The following ABLIM1 variants were observed in gnomAD, a reference collection of about 807,000 sequenced individuals.
ABLIM1 encodes actin-binding LIM protein 1.
In ABLIM1, 40 loss-of-function variants were observed where a neutral mutation model predicts 107.0. The ratio of observed to expected loss-of-function variants is 0.37; its 90% CI spans 0.29 to 0.49. The LOEUF is 0.49. Ranked by LOEUF, ABLIM1 falls within the 20% of genes least tolerant of loss-of-function variation. The pLI is 0.97. For synonymous variants in ABLIM1, 357 were observed against 357.3 expected (o/e 1.00, Z 0.01); for missense variants, 857 against 1,008.5 (o/e 0.85, Z 2.04).
At chr10:114,606,676 G>A (rs925616399) in intron 1 of ABLIM1, among the ~76,000 whole-genome samples, 2 of 152,098 alleles carry the variant, frequency 1.3e-5, no homozygotes, top group South Asian at 2.1e-4. Flanking sequence ...GGAACAACAC[G>A]GTGCTTGATG....
At chr10:114,487,323 T>C (rs2058333910) in intron 8 of ABLIM1, among the ~76,000 whole-genome samples, 1 of 152,240 alleles carries the variant, frequency 6.6e-6, no homozygotes, top group African/African-American at 2.4e-5. Flanking sequence ...TGAAAAATAC[T>C]TCCTAGCCCG....
intron 1 of ABLIM1, among the ~76,000 whole-genome samples, chr10:114,679,416 C>T (rs2080639303): frequency 1.3e-5 from 2 of 152,060 alleles, no homozygotes; most frequent in South Asian, 2.1e-4. Flanking sequence ...GGGTGGATCA[C>T]CTGAGGTCGG....
At chr10:114,657,788 C>T (rs1333682) in intron 1 of ABLIM1, among the ~76,000 whole-genome samples, 169 bp downstream of exon 1, 109,042 of 152,138 alleles carry the variant, frequency 0.72, 39,299 homozygotes, top group African/African-American at 0.8. Context: ...TCCGTAGCTA[C>T]ACTTATGTTA....
chr10:114,489,784 G>A (rs2058685361), intron 7 of ABLIM1, among the ~76,000 whole-genome samples: 2 of 152,334 alleles, frequency 1.3e-5, no homozygotes, highest in East Asian at 1.9e-4. Flanking sequence ...ATCAGATGCT[G>A]AAGAAGATGA....
the ABLIM1 span, among the ~76,000 whole-genome samples, chr10:114,773,133 A>G: frequency 2.0e-5 from 3 of 152,104 alleles, no homozygotes; most frequent in Non-Finnish European, 4.4e-5. Flanking sequence ...CTAAGAAACA[A>G]TTTTAAAATG....
chr10:114,745,887 C>T (rs1180639991), intron 1 of ABLIM1, among the ~76,000 whole-genome samples: 5 of 152,104 alleles, frequency 3.3e-5, no homozygotes, highest in Non-Finnish European at 7.3e-5. Flanking sequence ...AACATGACGT[C>T]AATCTCTATA....
Position 114,580,150 on chromosome 10 carries a change from C to G in ABLIM1, c.380-4551G>C, listed in dbSNP as rs111414581. 7.2e-3 allele frequency among the ~76,000 whole-genome samples: 1,090 copies of G among 150,362 alleles called. 11 individuals are homozygous for G. The highest frequency in any genetic ancestry group is 0.026 in the African/African-American group (1,051 of 41,184). On this transcript the variant is annotated intron_variant, in intron 2 of 22. Coordinates refer to ENST00000533213, the MANE Select transcript of ABLIM1 (RefSeq NM_002313.7). ...AGCCCAGCCATCTTATTCTGACATT[C>G]CTTTTTGAATGCCTTTATAACCCAC... is the stretch of plus-strand genomic sequence containing the variant.
chr10:114,714,307 C>T (rs755015061), intron 1 of ABLIM1, among the ~76,000 whole-genome samples: 3 of 152,152 alleles, frequency 2.0e-5, no homozygotes, highest in Non-Finnish European at 4.4e-5. Flanking sequence ...TGCTGCAGAT[C>T]AGGCAGCTAA....
At chr10:114,500,773 G>GAAGGA (rs2060320462) in intron 6 of ABLIM1, among the ~76,000 whole-genome samples, 1 of 149,852 alleles carries the variant, frequency 6.7e-6, no homozygotes, top group African/African-American at 2.4e-5. Flanking sequence ...GAAGGGAAGG[G>GAAGGA]AAGGGAAGGG....
chr10:114,573,025 TC>T (rs2071927769), intron 3 of ABLIM1, among the ~76,000 whole-genome samples: 1 of 152,176 alleles, frequency 6.6e-6, no homozygotes, highest in East Asian at 1.9e-4. Flanking sequence ...CCCACACGAA[TC>T]CTCTATGGGA....
chr10:114,478,294 T>C (rs1423257688), intron 8 of ABLIM1, among the ~76,000 whole-genome samples: 1 of 152,206 alleles, frequency 6.6e-6, no homozygotes, highest in African/African-American at 2.4e-5. Flanking sequence ...GGTGAACTGG[T>C]CATCAAATTT....
At chr10:114,537,539 A>G (rs1384022508) in intron 6 of ABLIM1, among the ~76,000 whole-genome samples, 1 of 152,192 alleles carries the variant, frequency 6.6e-6, no homozygotes, top group Non-Finnish European at 1.5e-5. Flanking sequence ...TGTCACACCA[A>G]TTAGATCCAG....
chr10:114,788,101 T>C, the ABLIM1 span, among the ~76,000 whole-genome samples: 1 of 151,650 alleles, frequency 6.6e-6, no homozygotes, highest in African/African-American at 2.4e-5. Context: ...CGGTGCAAGA[T>C]GTGCTTTGTT....
At chr10:114,694,896 C>T (rs2081163495) in intron 1 of ABLIM1, among the ~76,000 whole-genome samples, 1 of 152,156 alleles carries the variant, frequency 6.6e-6, no homozygotes, top group African/African-American at 2.4e-5. Context: ...GCTCAAAACC[C>T]GGACATTGAG....
rs562707417 is a variant in ABLIM1, at chr10:114,472,112, C to T, written c.1275+865G>A. On this transcript the variant is annotated intron_variant, in intron 10 of 22. Coordinates refer to ENST00000533213, the MANE Select transcript of ABLIM1 (RefSeq NM_002313.7). ...AGGTAGCAACAATGGTAGAAATTGCCACATGCTCAGTATTTCCCCCAAGTC... is the reference window on the plus strand; with the variant it reads ...AGGTAGCAACAATGGTAGAAATTGCTACATGCTCAGTATTTCCCCCAAGTC... Among the ~76,000 whole-genome samples, 12 of 152,270 alleles carry T rather than the reference C, an allele frequency of 7.9e-5. No individual in the cohort carries two copies. In the South Asian group the frequency reaches 2.1e-3, roughly 26 times the overall value.
At chr10:114,644,190 A>T (rs961775197) in intron 1 of ABLIM1, among the ~76,000 whole-genome samples, 4 of 145,180 alleles carry the variant, frequency 2.8e-5, no homozygotes, top group Non-Finnish European at 6.0e-5. Flanking sequence ...CTGAGGCAGG[A>T]GAATGGCATG....
chr10:114,787,561 C>A, the ABLIM1 span, among the ~76,000 whole-genome samples: 5 of 149,570 alleles, frequency 3.3e-5, no homozygotes. Flanking sequence ...CGGCCAGCCA[C>A]CCCGTCCGGG....
intron 1 of ABLIM1, among the ~76,000 whole-genome samples, chr10:114,681,931 T>C (rs1337981412): frequency 1.3e-5 from 2 of 152,238 alleles, no homozygotes; most frequent in African/African-American, 4.8e-5. Context: ...GTGGCAGCTG[T>C]GACTGCCTTT....
At chr10:114,485,143 A>C (rs2057996448) in intron 8 of ABLIM1, among the ~76,000 whole-genome samples, 1 of 152,240 alleles carries the variant, frequency 6.6e-6, no homozygotes, top group Non-Finnish European at 1.5e-5. Context: ...GACAACAGCC[A>C]GAGTCAGTGT....
Sources: allele counts gnomAD v4.1 joint callset (sites outside exome capture counted in the v4.1 genomes callset), GRCh38; gene constraint gnomAD v4.1.1; transcripts MANE v1.5; gene names NCBI Gene and HGNC (gene_info 2026-07-23, HGNC 2026-07-21).